Variants in UNC5D observed in about 807,000 individuals in gnomAD.
UNC5D encodes unc-5 netrin receptor D.
Under a neutral mutation model 105.4 loss-of-function variants are expected in UNC5D, and 39 were observed. The ratio of observed to expected loss-of-function variants is 0.37; its 90% confidence interval spans 0.29 to 0.48. The LOEUF is 0.48. Ranked by LOEUF, UNC5D falls within the 20% of genes least tolerant of loss-of-function variation. The probability of loss-of-function intolerance (pLI) is 0.98; values close to 1 mark genes in which losing one functional copy is unlikely to be tolerated. For synonymous variants in UNC5D, 452 were observed against 450.4 expected, an observed-to-expected ratio of 1.00 and a Z score of -0.04; for missense variants, 991 against 1,202.4, an observed-to-expected ratio of 0.82 and a Z score of 2.60.
intron 7 of UNC5D, among the ~76,000 whole-genome samples, chr8:35,691,730 A>T (rs1233195101): frequency 6.6e-6 from 1 of 152,110 alleles, no homozygotes; most frequent in East Asian, 1.9e-4. Flanking sequence ...TGACCATTGG[A>T]CTTTCTCCTT....
intron 2 of UNC5D, among the ~76,000 whole-genome samples, chr8:35,562,760 T>C (rs1261110826): frequency 2.0e-5 from 3 of 152,080 alleles, no homozygotes; most frequent in Non-Finnish European, 4.4e-5. Flanking sequence ...TCATTTTCAG[T>C]GGGTTGTCTT....
intron 4 of UNC5D, among the ~76,000 whole-genome samples, chr8:35,624,419 A>G (rs1350305102): frequency 2.0e-5 from 3 of 152,176 alleles, no homozygotes; most frequent in African/African-American, 7.2e-5. Flanking sequence ...TTTATCCTTT[A>G]TTCCCAACAT....
intron 1 of UNC5D, among the ~76,000 whole-genome samples, chr8:35,325,801 T>C (rs1263416147): frequency 6.6e-6 from 1 of 152,164 alleles, no homozygotes; most frequent in African/African-American, 2.4e-5. Context: ...ATGGAACATT[T>C]ACTTAATGTC....
chr8:35,310,119 C>A (rs1203947541), intron 1 of UNC5D, among the ~76,000 whole-genome samples: 1 of 152,060 alleles, frequency 6.6e-6, no homozygotes, highest in African/African-American at 2.4e-5. Flanking sequence ...TTTCTAGTGT[C>A]TCTTTAAAAA....
rs1023227580 is a variant in UNC5D at position 35,569,250 on chromosome 8, T to C, written c.466+1009T>C. Among the ~76,000 whole-genome samples, 4 of 152,148 alleles carry C rather than the reference T, an allele frequency of 2.6e-5. No homozygotes were observed. In the South Asian group the frequency reaches 8.3e-4, roughly 32 times the overall value. On this transcript the variant is annotated intron_variant, in intron 3 of 16. Coordinates refer to ENST00000404895, the MANE Select transcript of UNC5D (RefSeq NM_080872.4). Reference sequence around the variant, plus strand: ...TCCCACTTCCATTATTCCACCTCCATGGATCCCCATAAAACCTCTTTTGTG... The same window carrying C: ...TCCCACTTCCATTATTCCACCTCCACGGATCCCCATAAAACCTCTTTTGTG...
At chr8:35,382,351 G>A (rs1026184027) in intron 1 of UNC5D, among the ~76,000 whole-genome samples, 10 of 152,172 alleles carry the variant, frequency 6.6e-5, no homozygotes, top group African/African-American at 2.4e-4. Flanking sequence ...GATGTCCTTA[G>A]CCAAAGAAGA....
chr8:35,605,110 G>T (rs1369942238), intron 4 of UNC5D, among the ~76,000 whole-genome samples: 1 of 152,196 alleles, frequency 6.6e-6, no homozygotes, highest in African/African-American at 2.4e-5. Context: ...TTTGGAGGAG[G>T]AGAGAAGCTC....
chr8:35,643,045 T>G (rs1822845499), intron 4 of UNC5D, among the ~76,000 whole-genome samples: 2 of 152,122 alleles, frequency 1.3e-5, no homozygotes, highest in Non-Finnish European at 2.9e-5. Context: ...CTGTTTCTTG[T>G]CTATAGGAGA....
intron 1 of UNC5D, among the ~76,000 whole-genome samples, chr8:35,245,584 A>T (rs1803042262): frequency 6.6e-6 from 1 of 152,150 alleles, no homozygotes; most frequent in African/African-American, 2.4e-5. Flanking sequence ...AAGAAATAAC[A>T]GGTTTGTTAT....
chr8:35,741,467 A>C (rs1829757617), intron 11 of UNC5D, among the ~76,000 whole-genome samples: 1 of 152,058 alleles, frequency 6.6e-6, no homozygotes, highest in African/African-American at 2.4e-5. Flanking sequence ...GTAATAATCC[A>C]CTGTTCTAAC....
At chr8:35,261,297 C>A (rs1040756027) in intron 1 of UNC5D, among the ~76,000 whole-genome samples, 10 of 152,106 alleles carry the variant, frequency 6.6e-5, no homozygotes, top group Non-Finnish European at 5.9e-5. Context: ...TATTCAGAAC[C>A]CTGCACAATT....
intron 4 of UNC5D, among the ~76,000 whole-genome samples, chr8:35,629,323 G>A (rs1821889403): frequency 6.6e-6 from 1 of 151,940 alleles, no homozygotes; most frequent in Non-Finnish European, 1.5e-5. Flanking sequence ...TCATGTCTTT[G>A]TTGGCTGTTT....
intron 1 of UNC5D, among the ~76,000 whole-genome samples, chr8:35,487,247 C>T (rs537213769): frequency 6.9e-6 from 1 of 145,796 alleles, no homozygotes; most frequent in Non-Finnish European, 1.5e-5. Context: ...TACTCAGGGC[C>T]CAGCTATTTG....
At chr8:35,655,308 C>T (rs1395898628) in intron 4 of UNC5D, among the ~76,000 whole-genome samples, 1 of 152,128 alleles carries the variant, frequency 6.6e-6, no homozygotes, top group Non-Finnish European at 1.5e-5. Flanking sequence ...AGATAAAAGT[C>T]TCCTAGCTAT....
chr8:35,593,100 A>T (rs1819279500), intron 3 of UNC5D, among the ~76,000 whole-genome samples: 1 of 151,840 alleles, frequency 6.6e-6, no homozygotes, highest in Admixed American at 6.6e-5. Context: ...TATGTAAATT[A>T]TACAAACGTG....
chr8:35,696,035 A>T (rs1826749042), intron 7 of UNC5D, among the ~76,000 whole-genome samples: 1 of 152,064 alleles, frequency 6.6e-6, no homozygotes, highest in Admixed American at 6.6e-5. Flanking sequence ...ATTTTTTATA[A>T]AGCAAATCCT....
At chr8:35,272,983 T>G (rs1805522210) in intron 1 of UNC5D, among the ~76,000 whole-genome samples, 2 of 152,194 alleles carry the variant, frequency 1.3e-5, no homozygotes, top group African/African-American at 4.8e-5. Flanking sequence ...CTCCAAAGAC[T>G]GATATAATTT....
intron 1 of UNC5D, among the ~76,000 whole-genome samples, chr8:35,339,174 G>A (rs1811271093): frequency 6.6e-6 from 1 of 152,138 alleles, no homozygotes; most frequent in African/African-American, 2.4e-5. Flanking sequence ...ATACATAAAG[G>A]AATCTATCCA....
chr8:35,309,620 C>T (rs562613985), intron 1 of UNC5D, among the ~76,000 whole-genome samples: 1 of 152,314 alleles, frequency 6.6e-6, no homozygotes, highest in African/African-American at 2.4e-5. Flanking sequence ...AGCTTTCAAA[C>T]ATTATTTGTT....
Sources: allele counts gnomAD v4.1 joint callset (sites outside exome capture counted in the v4.1 genomes callset), GRCh38; gene constraint gnomAD v4.1.1; transcripts MANE v1.5; gene names NCBI Gene and HGNC (gene_info 2026-07-23, HGNC 2026-07-21).